The following FGF9 variants were observed in gnomAD, a reference collection of about 807,000 sequenced individuals.
FGF9 encodes fibroblast growth factor 9 (glia-activating factor).
A neutral mutation model predicts 19.9 loss-of-function variants in FGF9; 3 were observed. The observed-to-expected ratio is 0.15, with a 90% CI of 0.07 to 0.39. FGF9 has a LOEUF of 0.39. FGF9 is among the 10% of genes least tolerant of loss of function. The pLI, the probability that FGF9 is intolerant of heterozygous loss-of-function variation, is 1.00. For synonymous variants in FGF9, 107 were observed against 106.9 expected, an observed-to-expected ratio of 1.00 and a Z score of -0.01; for missense variants, 175 against 256.8, an observed-to-expected ratio of 0.68 and a Z score of 2.18.
intron 1 of FGF9, among the ~76,000 whole-genome samples, chr13:21,680,452 CTT>C (rs369941643): frequency 8.3e-5 from 12 of 143,956 alleles, no homozygotes; most frequent in South Asian, 2.2e-4. Flanking sequence ...AAACAGAATA[CTT>C]TTTTTTTTTT....
intron 2 of FGF9, among the ~76,000 whole-genome samples, chr13:21,695,698 T>C (rs1329891394): frequency 1.3e-5 from 2 of 152,230 alleles, no homozygotes; most frequent in Non-Finnish European, 2.9e-5. Flanking sequence ...AGAGTACATC[T>C]GTACGAGTAA....
chr13:21,698,477 T>C (rs907141865), intron 2 of FGF9, among the ~76,000 whole-genome samples: 1 of 152,230 alleles, frequency 6.6e-6, no homozygotes, highest in Non-Finnish European at 1.5e-5. Flanking sequence ...ACTAACCTGT[T>C]GTAAAGATGA....
Position 21,699,369 on chromosome 13 carries a change from C to T in FGF9, c.382-1821C>T, listed in dbSNP as rs112183924. The stretch of plus-strand genomic sequence containing the variant: ...ATTGTCTTTCCTTTCTGCTTCCCCC[C>T]ATTTCAGCTCACTTAGCAAAACTTG... On this transcript the variant is annotated intron_variant, in intron 2 of 2. Coordinates refer to ENST00000382353, the MANE Select transcript of FGF9 (RefSeq NM_002010.3). Among the ~76,000 whole-genome samples, 707 of 152,330 alleles carry T rather than the reference C, an allele frequency of 4.6e-3. 3 individuals are homozygous for T. Among genetic ancestry groups the T allele is most frequent in the African/African-American group, 0.016 (667 of 41,580 alleles).
intron 2 of FGF9, among the ~76,000 whole-genome samples, chr13:21,697,772 T>C (rs529164626): frequency 1.0e-3 from 152 of 152,236 alleles, no homozygotes; most frequent in Non-Finnish European, 1.9e-3. Context: ...AATAGAATTA[T>C]TCAAAAATTG....
chr13:21,680,163 G>A (rs1872009661), intron 1 of FGF9, among the ~76,000 whole-genome samples: 2 of 152,024 alleles, frequency 1.3e-5, no homozygotes, highest in African/African-American at 2.4e-5. Flanking sequence ...ATTTGATTTT[G>A]GAATACAGCA....
chr13:21,701,737 G>A lies in FGF9; in HGVS notation c.*302G>A, dbSNP rs202229155. On this transcript the variant is annotated 3_prime_UTR_variant, in exon 3 of 3. Coordinates refer to ENST00000382353, the MANE Select transcript of FGF9 (RefSeq NM_002010.3). ...TGTGTGTGTGTGTGTGTGTGTGTGT[G>A]TGTATGTGTGTAGCGGGAGATGTGG... 3.0e-5 allele frequency: 11 copies of A among 366,642 alleles called. No individual in the cohort carries two copies. Among genetic ancestry groups the A allele is most frequent in the East Asian group, 1.2e-4 (2 of 16,236 alleles). The allele number at this position is 366,642 out of a possible 1,614,324, so 22.7% of individuals were successfully genotyped here.
rs181292662 is a variant in FGF9, at chr13:21,704,400, C to T, written c.*2965C>T. The T allele has an allele frequency of 2.4e-4, 37 of 152,292 alleles. No homozygotes were observed. The highest frequency in any genetic ancestry group is 3.4e-3 in the Middle Eastern group (1 of 294). The allele number at this position is 152,292 out of a possible 1,614,324, so 9.4% of individuals were successfully genotyped here. A position where few individuals can be genotyped will look rare whatever the true frequency, so the allele number is the denominator to read the frequency against. On this transcript the variant is annotated 3_prime_UTR_variant, in exon 3 of 3. Coordinates refer to ENST00000382353, the MANE Select transcript of FGF9 (RefSeq NM_002010.3). ...TTTATTCTATTTCATCTCATTAACACTACAACCTTGTGTTATTTACTTGAT... is the reference window on the plus strand; with the variant it reads ...TTTATTCTATTTCATCTCATTAACATTACAACCTTGTGTTATTTACTTGAT...
intron 2 of FGF9, among the ~76,000 whole-genome samples, chr13:21,688,405 T>G (rs780219200): frequency 6.6e-6 from 1 of 152,250 alleles, no homozygotes; most frequent in Non-Finnish European, 1.5e-5. Context: ...GTGTTTCATA[T>G]GTGCGTGACC....
chr13:21,686,155 G>A (rs1196237027), intron 2 of FGF9, among the ~76,000 whole-genome samples: 3 of 152,108 alleles, frequency 2.0e-5, no homozygotes, highest in Non-Finnish European at 2.9e-5. Context: ...TCAGCCTCCC[G>A]AGTAGCGGGG....
At chr13:21,684,562 C>T (rs548820056) in intron 2 of FGF9, among the ~76,000 whole-genome samples, 5 of 152,084 alleles carry the variant, frequency 3.3e-5, no homozygotes, top group Non-Finnish European at 5.9e-5. Context: ...CTGTGTGTGC[C>T]TGTGTTGTCT....
At chr13:21,701,136 C>A in intron 2 of FGF9, 54 bp from the exon 3 acceptor site, 1 of 1,469,208 alleles carries the variant, frequency 6.8e-7, no homozygotes, top group Admixed American at 1.8e-5. Flanking sequence ...AGGTATTAAG[C>A]CCAGCATGCA....
At chr13:21,676,691 C>G (rs769798658) in intron 1 of FGF9, among the ~76,000 whole-genome samples, 1 of 152,146 alleles carries the variant, frequency 6.6e-6, no homozygotes, top group African/African-American at 2.4e-5. Context: ...AGCCTCATGC[C>G]CTGCCCCTCT....
intron 1 of FGF9, among the ~76,000 whole-genome samples, chr13:21,679,796 A>T (rs530288225): frequency 2.0e-4 from 30 of 150,986 alleles, no homozygotes; most frequent in Admixed American, 5.3e-4. Context: ...AAAAAAAAAA[A>T]AAAAAAATTT....
At chr13:21,682,150 G>A (rs749801930) in intron 2 of FGF9, among the ~76,000 whole-genome samples, 1 of 151,548 alleles carries the variant, frequency 6.6e-6, no homozygotes, top group Non-Finnish European at 1.5e-5. Flanking sequence ...CTGGGACTAT[G>A]GGTGTGCATC....
intron 1 of FGF9, among the ~76,000 whole-genome samples, chr13:21,679,648 G>A (rs897022166): frequency 2.6e-5 from 4 of 151,802 alleles, no homozygotes; most frequent in African/African-American, 9.7e-5. Flanking sequence ...AATAATATTA[G>A]CAGTGTCCAG....
chr13:21,679,173 A>C (rs1229946124), intron 1 of FGF9, among the ~76,000 whole-genome samples: 1 of 152,172 alleles, frequency 6.6e-6, no homozygotes, highest in Non-Finnish European at 1.5e-5. Context: ...ACAATTTGTA[A>C]TTTCACTTTT....
In FGF9 at chr13:21,688,664, G is replaced by C. The variant is rs1265481727; in HGVS notation, c.381+7519G>C. On this transcript the variant is annotated intron_variant, in intron 2 of 2. Transcript: ENST00000382353. ...TTTGTAAATAAAAATATATTTACTA[G>C]AATTAATCACATGAATATTTTTAAC... 2.0e-5 allele frequency among the ~76,000 whole-genome samples: 3 copies of C among 151,902 alleles called. No homozygotes were observed. In the East Asian group the frequency reaches 5.8e-4, roughly 29 times the overall value.
In FGF9 at chr13:21,671,536, C is replaced by A; in HGVS notation, c.-377C>A. ...GCCTAGGCATTTAAGTTGCTATGGTCATTCTGATCTCAAACCAAATGGAGA... is the reference window on the plus strand; with the variant it reads ...GCCTAGGCATTTAAGTTGCTATGGTAATTCTGATCTCAAACCAAATGGAGA... On this transcript the variant is annotated 5_prime_UTR_variant, in exon 1 of 3. Transcript: ENST00000382353. 1 of 514,568 alleles carries A rather than the reference C, an allele frequency of 1.9e-6. No individual in the cohort carries two copies. The highest frequency in any genetic ancestry group is 3.5e-5 in the South Asian group (1 of 28,394). The allele number at this position is 514,568 out of a possible 1,614,324, so 31.9% of individuals were successfully genotyped here. A position where few individuals can be genotyped will look rare whatever the true frequency, so the allele number is the denominator to read the frequency against.
chr13:21,695,226 G>A (rs1047336531), intron 2 of FGF9, among the ~76,000 whole-genome samples: 3 of 152,054 alleles, frequency 2.0e-5, no homozygotes, highest in African/African-American at 7.2e-5. Context: ...TTTGTTTTAG[G>A]TGGAGGAGGA....
Sources: allele counts gnomAD v4.1 joint callset (sites outside exome capture counted in the v4.1 genomes callset), GRCh38; gene constraint gnomAD v4.1.1; transcripts MANE v1.5; gene names NCBI Gene and HGNC (gene_info 2026-07-23, HGNC 2026-07-21).